Variants in KCNQ3 observed in about 807,000 individuals in gnomAD.
KCNQ3 encodes the protein potassium voltage-gated channel subfamily KQT member 3.
Under a neutral mutation model 92.5 loss-of-function variants are expected in KCNQ3, and 30 were observed. The ratio of observed to expected loss-of-function variants is 0.32; its 90% CI spans 0.24 to 0.44. KCNQ3 has a LOEUF of 0.44. Ranked by LOEUF, KCNQ3 falls within the 20% of genes least tolerant of loss-of-function variation. The probability of loss-of-function intolerance (pLI) is 1.00; values close to 1 mark genes in which losing one functional copy is unlikely to be tolerated. For synonymous variants in KCNQ3, 450 were observed against 468.8 expected (o/e 0.96, Z 0.52); for missense variants, 913 against 1,140.3 (o/e 0.80, Z 2.87).
intron 1 of KCNQ3, among the ~76,000 whole-genome samples, chr8:132,275,345 G>T (rs935014694): frequency 2.6e-5 from 4 of 152,154 alleles, no homozygotes; most frequent in Admixed American, 2.0e-4. Flanking sequence ...TTATTTACAT[G>T]CCCTTTCAAA....
At chr8:132,305,055 T>C (rs1453386476) in intron 1 of KCNQ3, among the ~76,000 whole-genome samples, 1 of 152,206 alleles carries the variant, frequency 6.6e-6, no homozygotes, top group Non-Finnish European at 1.5e-5. Context: ...GCTCAGTGCC[T>C]GGGAGGCTGA....
chr8:132,226,164 G>A (rs999839579), intron 1 of KCNQ3, among the ~76,000 whole-genome samples: 3 of 151,948 alleles, frequency 2.0e-5, no homozygotes, highest in Non-Finnish European at 4.4e-5. Flanking sequence ...TCAGCTACTT[G>A]AGAGGCTGAG....
chr8:132,271,141 G>A (rs1936990914), intron 1 of KCNQ3, among the ~76,000 whole-genome samples: 1 of 152,234 alleles, frequency 6.6e-6, no homozygotes, highest in African/African-American at 2.4e-5. Context: ...TGGAGCTCAT[G>A]TTATTTCCAT....
chr8:132,147,080 A>T (rs958648497), intron 9 of KCNQ3, among the ~76,000 whole-genome samples: 2 of 152,226 alleles, frequency 1.3e-5, no homozygotes, highest in African/African-American at 4.8e-5. Flanking sequence ...GATCCATGGG[A>T]AGCAAAAACA....
intron 9 of KCNQ3, among the ~76,000 whole-genome samples, chr8:132,147,377 C>T (rs776474692): frequency 5.9e-5 from 9 of 152,088 alleles, no homozygotes; most frequent in African/African-American, 1.9e-4. Flanking sequence ...GGCAAGACTT[C>T]GAACAAGCAA....
rs184159833 is a variant in KCNQ3, at chr8:132,341,856, G to A, written c.386+138291C>T. On this transcript the variant is annotated intron_variant, in intron 1 of 14. Transcript: ENST00000388996. ...TCAGGCATCCATGCAGTTTTTACCT[G>A]GCAAAAATAATTCATGAGTCATTGT... Among the ~76,000 whole-genome samples, 889 of 152,218 alleles carry A rather than the reference G, an allele frequency of 5.8e-3. 21 individuals carry two copies. The highest frequency in any genetic ancestry group is 0.053 in the Admixed American group (812 of 15,290).
chr8:132,406,978 C>G (rs1250908780), intron 1 of KCNQ3, among the ~76,000 whole-genome samples: 1 of 152,194 alleles, frequency 6.6e-6, no homozygotes, highest in East Asian at 1.9e-4. Flanking sequence ...ATTTCTTTCC[C>G]CTTTTATGAA....
At chr8:132,322,307 A>C (rs1817918723) in intron 1 of KCNQ3, among the ~76,000 whole-genome samples, 3 of 152,180 alleles carry the variant, frequency 2.0e-5, no homozygotes, top group Admixed American at 2.0e-4. Context: ...CCAGAGAGTC[A>C]TTTGGAAAGA....
chr8:132,341,112 C>T (rs763855447), intron 1 of KCNQ3, among the ~76,000 whole-genome samples: 2 of 152,176 alleles, frequency 1.3e-5, no homozygotes, highest in Non-Finnish European at 2.9e-5. Flanking sequence ...AAAGTTCTAC[C>T]GGACAGTTCT....
At chr8:132,232,328 G>A (rs371636459) in intron 1 of KCNQ3, among the ~76,000 whole-genome samples, 1 of 152,186 alleles carries the variant, frequency 6.6e-6, no homozygotes, top group African/African-American at 2.4e-5. Context: ...AGCTCCCAAT[G>A]GTGCTGATGC....
chr8:132,456,267 G>A (rs1000597568), intron 1 of KCNQ3, among the ~76,000 whole-genome samples: 3 of 152,136 alleles, frequency 2.0e-5, no homozygotes, highest in Admixed American at 6.5e-5. Flanking sequence ...CTTCTGTAGC[G>A]ACAAGTTGTG....
At chr8:132,363,292 G>A (rs1197483113) in intron 1 of KCNQ3, among the ~76,000 whole-genome samples, 1 of 152,148 alleles carries the variant, frequency 6.6e-6, no homozygotes, top group African/African-American at 2.4e-5. Flanking sequence ...GCTAGATTAT[G>A]ATGCTGGACT....
intron 1 of KCNQ3, among the ~76,000 whole-genome samples, chr8:132,472,138 G>T (rs372257477): frequency 6.6e-6 from 1 of 152,052 alleles, no homozygotes; most frequent in Non-Finnish European, 1.5e-5. Context: ...TCTGAGAAAA[G>T]GAATTCTTAC....
chr8:132,261,947 A>G (rs1815801570), intron 1 of KCNQ3, among the ~76,000 whole-genome samples: 1 of 152,226 alleles, frequency 6.6e-6, no homozygotes, highest in Admixed American at 6.5e-5. Flanking sequence ...ACCAAAGTGG[A>G]CAAAACCCAA....
chr8:132,192,757 C>G (rs1190107887), intron 1 of KCNQ3, among the ~76,000 whole-genome samples: 2 of 152,184 alleles, frequency 1.3e-5, no homozygotes, highest in Non-Finnish European at 2.9e-5. Flanking sequence ...TCAAGCGATT[C>G]TTCTGCCTCA....
chr8:132,424,130 C>T (rs1046442222), intron 1 of KCNQ3, among the ~76,000 whole-genome samples: 1 of 151,834 alleles, frequency 6.6e-6, no homozygotes, highest in Non-Finnish European at 1.5e-5. Context: ...CACCCCTCCC[C>T]CCGCCACATA....
intron 13 of KCNQ3, 130 bp from the exon 14 acceptor site, chr8:132,132,394 A>C: frequency 1.3e-6 from 1 of 744,828 alleles, no homozygotes. Flanking sequence ...ATAAAAGAGC[A>C]CCAATCAACT....
At chr8:132,368,359 T>C (rs1819379351) in intron 1 of KCNQ3, among the ~76,000 whole-genome samples, 1 of 152,130 alleles carries the variant, frequency 6.6e-6, no homozygotes, top group African/African-American at 2.4e-5. Flanking sequence ...TATTTGATAT[T>C]AATAATATAA....
intron 4 of KCNQ3, among the ~76,000 whole-genome samples, chr8:132,178,581 T>C (rs1374883227): frequency 1.3e-5 from 2 of 152,114 alleles, no homozygotes; most frequent in Non-Finnish European, 2.9e-5. Context: ...TAGAATGACA[T>C]CTTTAAGGCC....
Sources: allele counts gnomAD v4.1 joint callset (sites outside exome capture counted in the v4.1 genomes callset), GRCh38; gene constraint gnomAD v4.1.1; transcripts MANE v1.5; gene names NCBI Gene and HGNC (gene_info 2026-07-23, HGNC 2026-07-21).